The following UTRN variants were observed in gnomAD, a reference collection of about 807,000 sequenced individuals.
UTRN encodes utrophin.
UTRN carries 283 observed loss-of-function variants against 463.9 expected under a neutral mutation model. The ratio of observed to expected loss-of-function variants is 0.61; its 90% CI spans 0.55 to 0.67. UTRN has a LOEUF of 0.67. Among genes scored for constraint, UTRN ranks in the 30% least tolerant of loss-of-function variants. The pLI is 0.00. For synonymous variants in UTRN, 1,442 were observed against 1,431.5 expected, an observed-to-expected ratio of 1.01 and a Z score of -0.17; for missense variants, 3,922 against 4,084.3, an observed-to-expected ratio of 0.96 and a Z score of 1.08.
intron 14 of UTRN, 151 bp from the exon 15 acceptor site, chr6:144,447,060 T>C: frequency 1.6e-6 from 1 of 628,932 alleles, no homozygotes; most frequent in Non-Finnish European, 2.8e-6. Context: ...CTGGGTCATT[T>C]GTGCCTCAGA....
chr6:144,503,343 G>A (rs1794388689), intron 34 of UTRN, among the ~76,000 whole-genome samples: 1 of 152,140 alleles, frequency 6.6e-6, no homozygotes, highest in African/African-American at 2.4e-5. Flanking sequence ...GTCCTGAATG[G>A]TATTGCCTAG....
chr6:144,661,202 G>A lies in UTRN; in HGVS notation c.7480-17204G>A, dbSNP rs1350335166. ...TACTGTAGAAGCGGGACTGGATTGA[G>A]TCATTAAAAGAATAATGGGCTTTTT... On this transcript the variant is annotated intron_variant, in intron 51 of 74. Coordinates refer to ENST00000367545, the MANE Select transcript of UTRN (RefSeq NM_007124.3). Among the ~76,000 whole-genome samples the A allele has an allele frequency of 2.0e-5, 3 of 152,184 alleles. No homozygotes were observed. In the South Asian group the frequency reaches 6.2e-4, roughly 31 times the overall value.
chr6:144,791,373 C>G (rs2128743153), intron 62 of UTRN, among the ~76,000 whole-genome samples: 1 of 152,176 alleles, frequency 6.6e-6, no homozygotes, highest in South Asian at 2.1e-4. Flanking sequence ...GTGCCCTGGC[C>G]TTTATGCTTA....
intron 51 of UTRN, among the ~76,000 whole-genome samples, chr6:144,646,381 A>G (rs1047503496): frequency 6.6e-6 from 1 of 152,184 alleles, no homozygotes. Flanking sequence ...TTTTTTCCAC[A>G]GTTAGCTCAC....
At chr6:144,321,450 C>T (rs1775634465) in intron 2 of UTRN, among the ~76,000 whole-genome samples, 1 of 147,012 alleles carries the variant, frequency 6.8e-6, no homozygotes, top group African/African-American at 2.5e-5. Context: ...ACCCAAGTAG[C>T]TGTGCCATAT....
At chr6:144,328,793 T>A (rs1389746898) in intron 2 of UTRN, among the ~76,000 whole-genome samples, 2 of 151,072 alleles carry the variant, frequency 1.3e-5, no homozygotes, top group Admixed American at 1.3e-4. Flanking sequence ...GCCAGACAAA[T>A]TTTTTTTTGA....
At chr6:144,589,968 C>T (rs1802845011) in intron 51 of UTRN, among the ~76,000 whole-genome samples, 1 of 151,982 alleles carries the variant, frequency 6.6e-6, no homozygotes, top group Non-Finnish European at 1.5e-5. Flanking sequence ...CCTCCCGCCT[C>T]AGCCTCTCGA....
intron 51 of UTRN, among the ~76,000 whole-genome samples, chr6:144,583,808 A>G (rs746339935): frequency 1.3e-5 from 2 of 152,190 alleles, no homozygotes; most frequent in African/African-American, 2.4e-5. Flanking sequence ...TTCTTTTGCA[A>G]TTGACACAAT....
intron 17 of UTRN, among the ~76,000 whole-genome samples, chr6:144,450,327 C>G (rs891819212): frequency 2.0e-5 from 3 of 152,166 alleles, no homozygotes; most frequent in Admixed American, 2.0e-4. Context: ...TTGGCCACAT[C>G]GTCAATTGTC....
At chr6:144,631,638 C>A (rs1776535991) in intron 51 of UTRN, among the ~76,000 whole-genome samples, 1 of 152,102 alleles carries the variant, frequency 6.6e-6, no homozygotes, top group Non-Finnish European at 1.5e-5. Context: ...TGCTTGTCAT[C>A]ATTTCAAAAG....
chr6:144,434,061 C>G (rs957748883), intron 9 of UTRN, among the ~76,000 whole-genome samples: 5 of 152,250 alleles, frequency 3.3e-5, no homozygotes, highest in African/African-American at 1.2e-4. Context: ...CCATTGAGCG[C>G]TGAGTGAACT....
At chr6:144,581,143 G>T (rs1197120687) in intron 51 of UTRN, among the ~76,000 whole-genome samples, 2 of 152,202 alleles carry the variant, frequency 1.3e-5, no homozygotes, top group Non-Finnish European at 2.9e-5. Context: ...GAATTGCCTG[G>T]TATGCAGTTG....
Position 144,545,567 on chromosome 6 carries a change from C to T in UTRN, c.6595+2697C>T, listed in dbSNP as rs368761438. ...TCTTGTCTTCCCCAAATGTTCTTCTCTTAGATATTTTCATGTTTCACATAC... is the reference window on the plus strand; with the variant it reads ...TCTTGTCTTCCCCAAATGTTCTTCTTTTAGATATTTTCATGTTTCACATAC... On this transcript the variant is annotated intron_variant, in intron 46 of 74. Coordinates refer to ENST00000367545, the MANE Select transcript of UTRN (RefSeq NM_007124.3). 3.3e-5 allele frequency among the ~76,000 whole-genome samples: 5 copies of T among 152,196 alleles called. No homozygotes were observed. In the South Asian group the frequency reaches 1.0e-3, roughly 31 times the overall value.
chr6:144,386,215 A>G (rs1339192314), intron 2 of UTRN, among the ~76,000 whole-genome samples: 1 of 152,168 alleles, frequency 6.6e-6, no homozygotes, highest in Non-Finnish European at 1.5e-5. Context: ...TTATCCCAGC[A>G]CTTTGTGTGG....
At chr6:144,353,437 T>TA (rs397764522) in intron 2 of UTRN, among the ~76,000 whole-genome samples, 4 of 150,626 alleles carry the variant, frequency 2.7e-5, no homozygotes, top group Admixed American at 1.3e-4. Context: ...TTTTTTTTTT[T>TA]AAATAGAAAC....
chr6:144,520,485 C>T (rs545140504), intron 39 of UTRN, among the ~76,000 whole-genome samples: 4 of 152,100 alleles, frequency 2.6e-5, no homozygotes, highest in African/African-American at 4.8e-5. Context: ...TTTAAACTTG[C>T]GGCATTAGGA....
At chr6:144,484,432 C>CTTTTTTTTTTTTTT (rs765122659) in intron 27 of UTRN, among the ~76,000 whole-genome samples, 1 of 66,254 alleles carries the variant, frequency 1.5e-5, no homozygotes. Flanking sequence ...AAAAACCAAA[C>CTTTTTTTTTTTTTT]TTTTTTTTTT....
At chr6:144,604,176 A>G (rs1280267683) in intron 51 of UTRN, among the ~76,000 whole-genome samples, 1 of 152,196 alleles carries the variant, frequency 6.6e-6, no homozygotes, top group African/African-American at 2.4e-5. Context: ...TAAACCATGC[A>G]TGGCCATGTC....
At chr6:144,312,290 GGCAGGC>G (rs1774983734) in intron 2 of UTRN, among the ~76,000 whole-genome samples, 1 of 152,056 alleles carries the variant, frequency 6.6e-6, no homozygotes, top group Non-Finnish European at 1.5e-5. Context: ...CCGGCCTGAT[GGCAGGC>G]GCCTGTAGTC....
Sources: allele counts gnomAD v4.1 joint callset (sites outside exome capture counted in the v4.1 genomes callset), GRCh38; gene constraint gnomAD v4.1.1; transcripts MANE v1.5; gene names NCBI Gene and HGNC (gene_info 2026-07-23, HGNC 2026-07-21).